The following FHIT variants were observed in gnomAD, a reference collection of about 807,000 sequenced individuals.
FHIT encodes bis(5'-adenosyl)-triphosphatase.
FHIT carries 19 observed loss-of-function variants against 17.9 expected under a neutral mutation model. That is an observed-to-expected ratio of 1.06 (90% CI 0.74 to 1.56). The LOEUF (loss-of-function observed/expected upper bound fraction) is 1.56, where lower values mean the gene tolerates loss of function less well. FHIT is among the 40% of genes most tolerant of loss of function. The probability of loss-of-function intolerance (pLI) is 0.00; values close to 1 mark genes in which losing one functional copy is unlikely to be tolerated. For synonymous variants in FHIT, 81 were observed against 69.7 expected, an observed-to-expected ratio of 1.16 and a Z score of -0.81; for missense variants, 248 against 189.2, an observed-to-expected ratio of 1.31 and a Z score of -1.82.
At chr3:59,759,200 G>C (rs1701375031) in intron 8 of FHIT, among the ~76,000 whole-genome samples, 1 of 151,924 alleles carries the variant, frequency 6.6e-6, no homozygotes, top group Admixed American at 6.6e-5. Context: ...GTGAGAGAGA[G>C]GACTTGGGGG....
intron 5 of FHIT, among the ~76,000 whole-genome samples, chr3:60,161,255 T>G (rs1057128880): frequency 1.3e-5 from 2 of 152,334 alleles, no homozygotes; most frequent in Middle Eastern, 3.4e-3. Context: ...GAAAAGCCTG[T>G]GGCAGTTGAA....
intron 3 of FHIT, among the ~76,000 whole-genome samples, chr3:60,994,772 G>A (rs983971929): frequency 1.3e-5 from 2 of 152,086 alleles, no homozygotes; most frequent in Non-Finnish European, 2.9e-5. Context: ...CAAGCAAGCC[G>A]CACAGGTGAG....
chr3:60,454,201 C>G (rs890122497), intron 5 of FHIT, among the ~76,000 whole-genome samples: 6 of 152,170 alleles, frequency 3.9e-5, no homozygotes, highest in African/African-American at 1.4e-4. Flanking sequence ...AACCATAAAG[C>G]AACTTCAAGG....
chr3:60,795,767 G>A (rs553315499), intron 4 of FHIT, among the ~76,000 whole-genome samples: 8 of 152,034 alleles, frequency 5.3e-5, no homozygotes, highest in Admixed American at 3.3e-4. Context: ...CAGCTGCCTC[G>A]GCCTCCCAAA....
intron 2 of FHIT, among the ~76,000 whole-genome samples, chr3:61,047,882 C>T (rs2033871051): frequency 7.3e-6 from 1 of 136,478 alleles, no homozygotes; most frequent in Non-Finnish European, 1.6e-5. Context: ...GGAAAGGATT[C>T]CCTATTTAAT....
At chr3:59,938,568 A>G (rs780944260) in intron 7 of FHIT, among the ~76,000 whole-genome samples, 2 of 152,158 alleles carry the variant, frequency 1.3e-5, no homozygotes, top group African/African-American at 4.8e-5. Context: ...CACAAAAACA[A>G]ACACCCAAAA....
intron 5 of FHIT, among the ~76,000 whole-genome samples, chr3:60,021,574 G>C (rs1700554883): frequency 6.6e-6 from 1 of 152,158 alleles, no homozygotes; most frequent in Admixed American, 6.5e-5. Flanking sequence ...TTAAAGGAAA[G>C]AAACAATATA....
chr3:60,072,042 T>C (rs1702796771), intron 5 of FHIT, among the ~76,000 whole-genome samples: 1 of 151,854 alleles, frequency 6.6e-6, no homozygotes, highest in Non-Finnish European at 1.5e-5. Flanking sequence ...CTCAGGTTTG[T>C]CTTTACTAAC....
At chr3:60,729,389 G>T (rs1282706446) in intron 4 of FHIT, among the ~76,000 whole-genome samples, 1 of 152,202 alleles carries the variant, frequency 6.6e-6, no homozygotes, top group African/African-American at 2.4e-5. Context: ...GTTGTATGCG[G>T]CTTGTGTCAT....
intron 5 of FHIT, among the ~76,000 whole-genome samples, chr3:60,230,747 T>G (rs1704455235): frequency 6.6e-6 from 1 of 152,224 alleles, no homozygotes; most frequent in Admixed American, 6.5e-5. Flanking sequence ...TCTCACTCTG[T>G]CTGCTCAGGA....
chr3:59,990,361 G>T (rs1032068084), intron 7 of FHIT, among the ~76,000 whole-genome samples: 1 of 151,976 alleles, frequency 6.6e-6, no homozygotes, highest in Non-Finnish European at 1.5e-5. Flanking sequence ...TTTTCCTGTG[G>T]ATTTGTATCA....
At chr3:60,852,135 A>G (rs77406902) in intron 3 of FHIT, among the ~76,000 whole-genome samples, 2,493 of 152,230 alleles carry the variant, frequency 0.016, 37 homozygotes, top group Middle Eastern at 0.041. Flanking sequence ...TTAGGACAAA[A>G]AAAAGCTGAC....
chr3:59,792,912 G>A (rs1699628702), intron 8 of FHIT, among the ~76,000 whole-genome samples: 1 of 149,886 alleles, frequency 6.7e-6, no homozygotes, highest in African/African-American at 2.5e-5. Context: ...ATCTGATGAA[G>A]TATGGGTGAT....
At chr3:61,228,925 C>G (rs752093873) in intron 1 of FHIT, among the ~76,000 whole-genome samples, 1 of 152,126 alleles carries the variant, frequency 6.6e-6, no homozygotes, top group Non-Finnish European at 1.5e-5. Flanking sequence ...AAAGGAGATA[C>G]AGCACTGAGA....
chr3:61,041,033 G>C (rs984236685), intron 3 of FHIT, among the ~76,000 whole-genome samples: 1 of 152,140 alleles, frequency 6.6e-6, no homozygotes, highest in Admixed American at 6.5e-5. Context: ...GACACTGGAT[G>C]TCTCAACTCA....
At chr3:60,529,006 G>A (rs1213491658) in intron 5 of FHIT, among the ~76,000 whole-genome samples, 1 of 152,170 alleles carries the variant, frequency 6.6e-6, no homozygotes, top group African/African-American at 2.4e-5. Context: ...GCAGATACAA[G>A]CTAAACCAAG....
rs184883093 is a variant in FHIT at position 60,889,924 on chromosome 3, G to A, written c.-110-67913C>T. Among the ~76,000 whole-genome samples, 491 of 152,206 alleles carry A rather than the reference G, an allele frequency of 3.2e-3. 5 individuals carry two copies. Among genetic ancestry groups the A allele is most frequent in the African/African-American group, 0.011 (469 of 41,524 alleles). ...CATATTGATCCTTTAAGATATAGAT[G>A]TTTAAAAATATGTCTATGTCTGTGC... On this transcript the variant is annotated intron_variant, in intron 3 of 9. Transcript: ENST00000492590.
At chr3:60,042,332 A>G (rs1559575827) in intron 5 of FHIT, among the ~76,000 whole-genome samples, 1 of 152,208 alleles carries the variant, frequency 6.6e-6, no homozygotes, top group East Asian at 1.9e-4. Context: ...TATCCTTTGT[A>G]GGACTCTATT....
intron 5 of FHIT, among the ~76,000 whole-genome samples, chr3:60,253,211 C>T (rs1372624981): frequency 6.6e-6 from 1 of 152,098 alleles, no homozygotes; most frequent in African/African-American, 2.4e-5. Context: ...ATAATTAATA[C>T]ATTTTTACTT....
Sources: gnomAD v4.1 joint callset for allele counts (sites outside exome capture counted in the v4.1 genomes callset) on GRCh38, gnomAD v4.1.1 for gene constraint, MANE v1.5 for transcripts, NCBI Gene and HGNC (gene_info 2026-07-23, HGNC 2026-07-21) for gene names.